Variants in EFHD1 observed in about 807,000 individuals in gnomAD.
The protein encoded by EFHD1 is EF-hand domain-containing protein D1.
A neutral mutation model predicts 17.2 loss-of-function variants in EFHD1; 10 were observed. That is an observed-to-expected ratio of 0.58 (90% CI 0.36 to 0.99). The LOEUF (loss-of-function observed/expected upper bound fraction) is 0.99, where lower values mean the gene tolerates loss of function less well. Among genes scored for constraint, EFHD1 ranks in the 50% least tolerant of loss-of-function variants. The probability of loss-of-function intolerance (pLI) is 0.01; values close to 1 mark genes in which losing one functional copy is unlikely to be tolerated. For synonymous variants in EFHD1, 153 were observed against 142.0 expected (o/e 1.08, Z -0.55); for missense variants, 310 against 327.5 (o/e 0.95, Z 0.41).
intron 1 of EFHD1, among the ~76,000 whole-genome samples, chr2:232,613,623 C>CATAT (rs1446039468): frequency 0.28 from 28,235 of 102,114 alleles, 3,189 homozygotes; most frequent in East Asian, 0.57. Context: ...CACACACACA[C>CATAT]ACACACACAT....
intron 1 of EFHD1, among the ~76,000 whole-genome samples, chr2:232,641,198 T>C (rs4488653): frequency 0.43 from 64,863 of 151,830 alleles, 14,173 homozygotes; most frequent in Non-Finnish European, 0.47. Flanking sequence ...ACGACCACCA[T>C]GCCCAGCTAA....
intron 1 of EFHD1, chr2:232,649,889 G>C (rs1323153280): frequency 6.6e-6 from 1 of 152,240 alleles, no homozygotes; most frequent in African/African-American, 2.4e-5. Flanking sequence ...CAGCCACTTA[G>C]GAGGATCTCC....
At position 232,681,687 on chromosome 2, in the gene EFHD1, T is replaced by G. The variant is rs201665833; in HGVS notation, c.688T>G (p.Phe230Val). 1 of 1,614,238 alleles carries G rather than the reference T, an allele frequency of 6.2e-7. No individual in the cohort carries two copies. The highest frequency in any genetic ancestry group is 2.2e-5 in the East Asian group (1 of 44,888). The change falls in exon 4 of 4, where the codon TTC becomes GTC. Residue 230 changes from phenylalanine to valine, a missense_variant. Coordinates refer to ENST00000264059, the MANE Select transcript of EFHD1 (RefSeq NM_025202.4). ...GGAGAGGCGGCTCCGCCAGGCAGCC[T>G]TCCAGAAACTCAAGGCCAACTTCAA... Reference protein sequence around the residue: ...EEERRLRQAAFQKLKANFNT With the variant: ...EEERRLRQAAVQKLKANFNT
At chr2:232,676,668 A>C (rs1695178833) in intron 3 of EFHD1, among the ~76,000 whole-genome samples, 1 of 152,218 alleles carries the variant, frequency 6.6e-6, no homozygotes, top group Admixed American at 6.6e-5. Flanking sequence ...AACATAGACC[A>C]CAGGAGCTAA....
rs566451427 is a variant in EFHD1, at chr2:232,638,169, C to T, written c.302+4163C>T. 1.1e-4 allele frequency: 37 copies of T among 347,496 alleles called. 1 individual carries two copies. The highest frequency in any genetic ancestry group is 5.3e-4 in the African/African-American group (25 of 46,758). 21.5% of individuals were successfully genotyped at this position (347,496 alleles called of 1,614,324 possible). A position where few individuals can be genotyped will look rare whatever the true frequency, so the allele number is the denominator to read the frequency against. On this transcript the variant is annotated intron_variant, in intron 1 of 3. Coordinates refer to ENST00000264059, the MANE Select transcript of EFHD1 (RefSeq NM_025202.4). ...CTACAGCGTGTATCCGTGGCTGTAA[C>T]GTGAGCTGGTGGAGCAGTCAAGGTT...
upstream of EFHD1, among the ~76,000 whole-genome samples, chr2:232,630,632 C>A (rs141456672): frequency 5.3e-5 from 8 of 152,118 alleles, no homozygotes; most frequent in Admixed American, 3.3e-4. Context: ...ATTTTGTTCA[C>A]AATCCACTCC....
chr2:232,669,619 T>C (rs1012738318), intron 2 of EFHD1, among the ~76,000 whole-genome samples: 16 of 150,530 alleles, frequency 1.1e-4, no homozygotes, highest in African/African-American at 3.9e-4. Flanking sequence ...TTTTTTTTTT[T>C]AGACAGAGTC....
At chr2:232,612,090 G>C (rs942621694) in intron 1 of EFHD1, 5 of 152,140 alleles carry the variant, frequency 3.3e-5, no homozygotes, top group East Asian at 1.9e-4. Context: ...GAGCCCAAGC[G>C]ATCCTCCCAA....
At chr2:232,661,079 C>T (rs1211284963) in intron 1 of EFHD1, among the ~76,000 whole-genome samples, 2 of 151,882 alleles carry the variant, frequency 1.3e-5, no homozygotes, top group East Asian at 3.9e-4. Context: ...ACCTGAGAGG[C>T]GGAGGTTGCA....
At chr2:232,663,321 G>A (rs1694909573) in intron 2 of EFHD1, among the ~76,000 whole-genome samples, 1 of 151,624 alleles carries the variant, frequency 6.6e-6, no homozygotes, top group South Asian at 2.1e-4. Context: ...TAATTGTTAT[G>A]GATACATAAT....
intron 1 of EFHD1, among the ~76,000 whole-genome samples, chr2:232,648,357 C>A (rs1694571598): frequency 6.6e-6 from 1 of 152,170 alleles, no homozygotes. Flanking sequence ...AGAGCCTGCC[C>A]ACCCTCAGTC....
At chr2:232,679,536 G>A (rs1559358825) in intron 3 of EFHD1, among the ~76,000 whole-genome samples, 1 of 151,410 alleles carries the variant, frequency 6.6e-6, no homozygotes, top group Non-Finnish European at 1.5e-5. Flanking sequence ...GCAACATAGA[G>A]CAACCCCATC....
intron 2 of EFHD1, among the ~76,000 whole-genome samples, chr2:232,668,318 G>T (rs1039814851): frequency 1.3e-5 from 2 of 152,228 alleles, no homozygotes; most frequent in Non-Finnish European, 2.9e-5. Context: ...TCTTTAACTG[G>T]CTGGGGTAGG....
At chr2:232,653,565 C>T (rs1315498809) in intron 1 of EFHD1, among the ~76,000 whole-genome samples, 2 of 152,186 alleles carry the variant, frequency 1.3e-5, no homozygotes, top group African/African-American at 2.4e-5. Flanking sequence ...GCTGGGATTA[C>T]GGGCATGAGC....
intron 1 of EFHD1, chr2:232,606,276 G>A (rs1559333034): frequency 1.4e-6 from 2 of 1,395,560 alleles, no homozygotes; most frequent in East Asian, 2.5e-5. Context: ...GGTAATTCCT[G>A]GCTTTCGCCA....
At chr2:232,627,664 G>T (rs555607224) in intron 1 of EFHD1, among the ~76,000 whole-genome samples, 30 of 152,090 alleles carry the variant, frequency 2.0e-4, no homozygotes, top group Admixed American at 5.9e-4. Flanking sequence ...TATTAAGCCA[G>T]ATGTAGAAGA....
At chr2:232,654,416 C>CTTTCT (rs1694718491) in intron 1 of EFHD1, among the ~76,000 whole-genome samples, 1 of 94,596 alleles carries the variant, frequency 1.1e-5, no homozygotes, top group Non-Finnish European at 2.0e-5. Flanking sequence ...TTCTTTCTTT[C>CTTTCT]TTTTTTTTTT....
chr2:232,610,290 A>G (rs1387574698), intron 1 of EFHD1, among the ~76,000 whole-genome samples: 5 of 152,080 alleles, frequency 3.3e-5, no homozygotes, highest in African/African-American at 1.2e-4. Context: ...AAGCCCTCCC[A>G]TCCCTGAGGC....
intron 1 of EFHD1, among the ~76,000 whole-genome samples, chr2:232,654,827 C>T (rs527911779): frequency 2.6e-5 from 4 of 152,290 alleles, no homozygotes; most frequent in African/African-American, 7.2e-5. Flanking sequence ...GCGCTAGCTC[C>T]GGCTTATGTG....
Sources: allele counts gnomAD v4.1 joint callset (sites outside exome capture counted in the v4.1 genomes callset), GRCh38; gene constraint gnomAD v4.1.1; transcripts MANE v1.5; gene names NCBI Gene and HGNC (gene_info 2026-07-23, HGNC 2026-07-21).